The following SAMMSON variants were observed in gnomAD, a reference collection of about 807,000 sequenced individuals.
SAMMSON encodes the protein survival associated mitochondrial melanoma specific oncogenic non-coding RNA, also known as long intergenic non-protein coding RNA 1212.
intron 2 of SAMMSON, among the ~76,000 whole-genome samples, chr3:70,404,101 A>G (rs1200281179): frequency 1.3e-5 from 2 of 152,114 alleles, no homozygotes; most frequent in African/African-American, 4.8e-5. Flanking sequence ...TAAAATATCT[A>G]GTGATTAAAA....
chr3:70,340,216 G>A (rs1702701086), intron 7 of SAMMSON, among the ~76,000 whole-genome samples: 1 of 144,510 alleles, frequency 6.9e-6, no homozygotes, highest in Non-Finnish European at 1.5e-5. Flanking sequence ...CACAGGGTGG[G>A]GAACATCACA....
At chr3:70,262,834 A>G (rs1701879598) in intron 6 of SAMMSON, among the ~76,000 whole-genome samples, 1 of 152,136 alleles carries the variant, frequency 6.6e-6, no homozygotes, top group African/African-American at 2.4e-5. Flanking sequence ...ACTATGTTAG[A>G]TGACCTGATA....
At chr3:70,299,837 C>T (rs750462841) in intron 7 of SAMMSON, among the ~76,000 whole-genome samples, 1 of 152,014 alleles carries the variant, frequency 6.6e-6, no homozygotes, top group Non-Finnish European at 1.5e-5. Context: ...TTATGGCTTC[C>T]CTTTGTTTAA....
At chr3:70,134,190 A>G (rs993184853) in intron 4 of SAMMSON, among the ~76,000 whole-genome samples, 1 of 151,016 alleles carries the variant, frequency 6.6e-6, no homozygotes, top group Non-Finnish European at 1.5e-5. Context: ...AATCCGGGAG[A>G]CGGAGGTTGC....
At chr3:70,182,241 G>T (rs995966156) in intron 4 of SAMMSON, among the ~76,000 whole-genome samples, 2 of 152,092 alleles carry the variant, frequency 1.3e-5, no homozygotes, top group African/African-American at 2.4e-5. Flanking sequence ...AGAAAGGGGT[G>T]GGGGAGCTGA....
At chr3:70,410,591 T>A (rs2287319) in intron 2 of SAMMSON, among the ~76,000 whole-genome samples, 3 of 152,012 alleles carry the variant, frequency 2.0e-5, no homozygotes, top group African/African-American at 2.4e-5. Context: ...ATTTCTTTAC[T>A]GCAAGATTTT....
intron 6 of SAMMSON, among the ~76,000 whole-genome samples, chr3:70,256,205 T>C (rs1575608071): frequency 6.6e-6 from 1 of 152,208 alleles, no homozygotes; most frequent in Non-Finnish European, 1.5e-5. Flanking sequence ...ATTAAAACTT[T>C]AGTTGTAAAG....
intron 4 of SAMMSON, among the ~76,000 whole-genome samples, chr3:70,233,344 G>T (rs191333162): frequency 2.6e-5 from 4 of 152,160 alleles, no homozygotes; most frequent in Middle Eastern, 3.2e-3. Context: ...AGATTTCAGC[G>T]TGGAATAATG....
downstream of SAMMSON, among the ~76,000 whole-genome samples, chr3:70,391,495 C>T (rs538416015): frequency 4.3e-4 from 66 of 151,962 alleles, 1 homozygote; most frequent in South Asian, 6.0e-3. Flanking sequence ...GTCTCTTTCT[C>T]GGTACTTGTA....
chr3:70,380,438 G>T (rs9883098), intron 9 of SAMMSON, among the ~76,000 whole-genome samples: 3,209 of 152,134 alleles, frequency 0.021, 89 homozygotes, highest in African/African-American at 0.059. Flanking sequence ...TTATTTTCTA[G>T]TTTTGTGCAC....
intron 3 of SAMMSON, among the ~76,000 whole-genome samples, chr3:70,021,547 C>T (rs1385962624): frequency 6.6e-6 from 1 of 152,070 alleles, no homozygotes; most frequent in Non-Finnish European, 1.5e-5. Context: ...TTCTACTAGG[C>T]CTGATTATAT....
chr3:70,225,437 T>C (rs1216524403), intron 4 of SAMMSON, among the ~76,000 whole-genome samples: 1 of 152,232 alleles, frequency 6.6e-6, no homozygotes, highest in African/African-American at 2.4e-5. Context: ...TTTTTTATAG[T>C]GTTCTTTATC....
At chr3:70,156,167 G>A (rs545303797) in intron 4 of SAMMSON, among the ~76,000 whole-genome samples, 3 of 152,130 alleles carry the variant, frequency 2.0e-5, no homozygotes, top group East Asian at 3.9e-4. Flanking sequence ...AGATGAAATC[G>A]ACTAACCAGG....
intron 9 of SAMMSON, among the ~76,000 whole-genome samples, chr3:70,372,088 A>G (rs1702975011): frequency 6.6e-6 from 1 of 152,110 alleles, no homozygotes; most frequent in Admixed American, 6.6e-5. Context: ...TCTATTGAGA[A>G]TCATCAGAAA....
chr3:70,001,288 A>G (rs2066904767), intron 1 of SAMMSON, among the ~76,000 whole-genome samples: 4 of 152,152 alleles, frequency 2.6e-5, no homozygotes, highest in Admixed American at 2.6e-4. Flanking sequence ...TCTCCTTTGT[A>G]GAATTACATC....
intron 4 of SAMMSON, chr3:70,140,338 A>AG (rs2067522879): frequency 4.5e-6 from 1 of 220,912 alleles, no homozygotes. Flanking sequence ...AAGCAGCTGG[A>AG]GAAATGTGTA....
chr3:70,227,009 G>GA (rs1224140891), intron 4 of SAMMSON, among the ~76,000 whole-genome samples: 3 of 151,974 alleles, frequency 2.0e-5, no homozygotes, highest in Admixed American at 6.6e-5. Flanking sequence ...GATGGACCTC[G>GA]AAAAAATACA....
At chr3:70,306,304 G>C (rs553559110) in intron 7 of SAMMSON, among the ~76,000 whole-genome samples, 2 of 152,042 alleles carry the variant, frequency 1.3e-5, no homozygotes, top group African/African-American at 4.8e-5. Flanking sequence ...GTAAAGACGG[G>C]GTTTCACCAT....
At chr3:70,171,709 C>T (rs984805875) in intron 4 of SAMMSON, among the ~76,000 whole-genome samples, 5 of 151,832 alleles carry the variant, frequency 3.3e-5, no homozygotes, top group South Asian at 2.1e-4. Flanking sequence ...AATTTCACTT[C>T]GTGTGTTTTG....
Sources: allele counts gnomAD v4.1 joint callset (sites outside exome capture counted in the v4.1 genomes callset), GRCh38; gene constraint gnomAD v4.1.1; transcripts MANE v1.5; gene names NCBI Gene and HGNC (gene_info 2026-07-23, HGNC 2026-07-21).